Variants in NHERF4 observed in about 807,000 individuals in gnomAD.
NHERF4 encodes the protein NHERF family PDZ scaffold protein 4.
the NHERF4 span, chr11:119,190,099 G>A: frequency 1.1e-5 from 6 of 551,106 alleles, no homozygotes; most frequent in African/African-American, 1.9e-5. The surrounding 1 kb of genome is among the most constrained non-coding windows in gnomAD (Gnocchi z 4.2). Context: ...CTGAATCTCA[G>A]GGATAATGGG....
chr11:119,187,976 G>A, the NHERF4 span: 1 of 1,574,622 alleles, frequency 6.4e-7, no homozygotes, highest in Non-Finnish European at 8.6e-7. Context: ...CTTGCTGGTG[G>A]CAGGGCCAGA....
chr11:119,187,129 A>C, the NHERF4 span: 3 of 707,824 alleles, frequency 4.2e-6, no homozygotes, highest in South Asian at 2.3e-5. Flanking sequence ...GACAAGAGCA[A>C]AACTCCATCT....
chr11:119,190,026 G>A, the NHERF4 span: 9 of 435,694 alleles, frequency 2.1e-5, no homozygotes, highest in East Asian at 3.0e-4. The surrounding 1 kb of genome is among the most constrained non-coding windows in gnomAD (Gnocchi z 4.2). Context: ...AGGCTCAAGG[G>A]GTGGGATGCG....
the NHERF4 span, chr11:119,187,554 T>TA: frequency 6.3e-7 from 1 of 1,597,982 alleles, no homozygotes; most frequent in East Asian, 2.3e-5. Flanking sequence ...CTTTTTTTTT[T>TA]AATTTCTAGG....
the NHERF4 span, chr11:119,188,957 C>T: frequency 6.2e-7 from 1 of 1,612,898 alleles, no homozygotes; most frequent in South Asian, 1.1e-5. Context: ...CTAAAGCCAG[C>T]AAACTTTCCC....
the NHERF4 span, chr11:119,188,878 C>T: frequency 1.9e-6 from 3 of 1,612,526 alleles, no homozygotes; most frequent in Non-Finnish European, 2.5e-6. Context: ...GTGACTGATG[C>T]CCCATGGATC....
At chr11:119,188,223 A>G in the NHERF4 span, 20 of 1,541,586 alleles carry the variant, frequency 1.3e-5, no homozygotes, top group South Asian at 2.4e-4. Context: ...CTTTCAGTGC[A>G]CCGAAGAGGT....
chr11:119,186,050 T>A, the NHERF4 span: 1 of 1,610,326 alleles, frequency 6.2e-7, no homozygotes, highest in Non-Finnish European at 8.5e-7. This position sits in a 1 kb window ranked among gnomAD's most constrained non-coding sequence, Gnocchi z 4.4. Flanking sequence ...GGGACCCAAG[T>A]CCAGCTGCCA....
At chr11:119,189,609 G>C in the NHERF4 span, 2 of 1,204,750 alleles carry the variant, frequency 1.7e-6, no homozygotes, top group Non-Finnish European at 2.5e-6. This position sits in a 1 kb window ranked among gnomAD's most constrained non-coding sequence, Gnocchi z 5.8. Context: ...AGACACCACC[G>C]ATCACAGGCT....
the NHERF4 span, chr11:119,185,580 C>A: frequency 1.4e-6 from 2 of 1,460,862 alleles, no homozygotes; most frequent in Non-Finnish European, 1.9e-6. Flanking sequence ...GAGGCTGAAG[C>A]TTTGGGACCA....
the NHERF4 span, chr11:119,188,988 T>A: frequency 1.9e-6 from 3 of 1,613,962 alleles, no homozygotes; most frequent in Non-Finnish European, 2.5e-6. Context: ...CTGTTCTGCA[T>A]GCCCCCACAA....
the NHERF4 span, chr11:119,189,095 G>A: frequency 1.9e-5 from 31 of 1,614,002 alleles, no homozygotes; most frequent in Non-Finnish European, 2.5e-5. The surrounding 1 kb of genome is among the most constrained non-coding windows in gnomAD (Gnocchi z 5.8). Flanking sequence ...GGGACAGAAT[G>A]ACCTGGAGAG....
chr11:119,187,718 C>A, the NHERF4 span: 1 of 1,487,332 alleles, frequency 6.7e-7, no homozygotes, highest in Non-Finnish European at 8.9e-7. Context: ...TGCCTGTCTC[C>A]CACTCTCCTC....
chr11:119,188,306 AG>A, the NHERF4 span: 8 of 1,608,256 alleles, frequency 5.0e-6, no homozygotes, highest in East Asian at 1.8e-4. Flanking sequence ...GTGTGTACAC[AG>A]TGGCCTAGGA....
chr11:119,187,902 C>A, the NHERF4 span: 30 of 1,500,604 alleles, frequency 2.0e-5, no homozygotes, highest in Non-Finnish European at 2.3e-5. Context: ...TCTCTCCCTG[C>A]CCAGGTGTTA....
chr11:119,186,161 CT>C, the NHERF4 span: 8 of 1,614,192 alleles, frequency 5.0e-6, no homozygotes, highest in Non-Finnish European at 6.8e-6. This position sits in a 1 kb window ranked among gnomAD's most constrained non-coding sequence, Gnocchi z 4.4. Context: ...ACCACGACCC[CT>C]ATGGTAACTC....
At chr11:119,189,231 T>C in the NHERF4 span, 2 of 1,588,486 alleles carry the variant, frequency 1.3e-6, no homozygotes, top group Non-Finnish European at 1.7e-6. The surrounding 1 kb of genome is among the most constrained non-coding windows in gnomAD (Gnocchi z 5.8). Context: ...CAGATGGGAC[T>C]GTGAGTAGCT....
At chr11:119,189,205 G>A in the NHERF4 span, 1 of 1,604,822 alleles carries the variant, frequency 6.2e-7, no homozygotes, top group Non-Finnish European at 8.5e-7. The surrounding 1 kb of genome is among the most constrained non-coding windows in gnomAD (Gnocchi z 5.8). Flanking sequence ...GGGCTGCAGA[G>A]GTGAGGAAGA....
At chr11:119,189,642 C>T in the NHERF4 span, 1 of 851,644 alleles carries the variant, frequency 1.2e-6, no homozygotes, top group Non-Finnish European at 1.9e-6. The surrounding 1 kb of genome is among the most constrained non-coding windows in gnomAD (Gnocchi z 5.8). Flanking sequence ...CCCTCCCTTC[C>T]TGCAGGCCCA....
Sources: allele counts gnomAD v4.1 joint callset, GRCh38; gene constraint gnomAD v4.1.1; non-coding constraint Gnocchi (gnomAD v3.1); transcripts MANE v1.5; gene names NCBI Gene and HGNC (gene_info 2026-07-23, HGNC 2026-07-21).